GUCY1A2: variants seen among roughly 807,000 people sequenced by gnomAD.
GUCY1A2 encodes guanylate cyclase 1 soluble subunit alpha 2.
Under a neutral mutation model 63.5 loss-of-function variants are expected in GUCY1A2, and 27 were observed. The observed-to-expected ratio is 0.43, with a 90% CI of 0.31 to 0.59. The LOEUF is 0.59. GUCY1A2 is among the 20% of genes least tolerant of loss of function. GUCY1A2 has a pLI of 0.11. For missense variants in GUCY1A2, 768 were observed against 913.3 expected, an observed-to-expected ratio of 0.84 and a Z score of 2.05; for synonymous variants, 364 against 343.5, an observed-to-expected ratio of 1.06 and a Z score of -0.66.
intron 3 of GUCY1A2, among the ~76,000 whole-genome samples, chr11:106,940,995 C>T (rs987239933): frequency 1.3e-5 from 2 of 152,082 alleles, no homozygotes; most frequent in Admixed American, 6.5e-5. Flanking sequence ...TGGGGATAGG[C>T]ATCAAGCTAT....
At chr11:106,942,543 G>A (rs974822888) in intron 3 of GUCY1A2, among the ~76,000 whole-genome samples, 5 of 62,294 alleles carry the variant, frequency 8.0e-5, no homozygotes, top group South Asian at 8.5e-4. Flanking sequence ...ACAATATTCC[G>A]TGTGTCACTG....
At chr11:106,982,588 G>A (rs1477265017) in intron 2 of GUCY1A2, among the ~76,000 whole-genome samples, 1 of 152,166 alleles carries the variant, frequency 6.6e-6, no homozygotes, top group African/African-American at 2.4e-5. Flanking sequence ...TTTGAGGTAG[G>A]TGATGGAGAG....
intron 4 of GUCY1A2, among the ~76,000 whole-genome samples, chr11:106,866,185 G>A (rs1038624846): frequency 9.2e-5 from 14 of 151,598 alleles, no homozygotes; most frequent in Non-Finnish European, 1.9e-4. Context: ...TTGGGCCTTC[G>A]TTTCCTCAAA....
intron 6 of GUCY1A2, among the ~76,000 whole-genome samples, chr11:106,758,707 T>C (rs1272802125): frequency 1.3e-5 from 2 of 152,238 alleles, no homozygotes; most frequent in African/African-American, 2.4e-5. Flanking sequence ...AGGATTTAGT[T>C]CTTATTTCCT....
chr11:106,984,161 A>G (rs2510598), intron 2 of GUCY1A2, among the ~76,000 whole-genome samples: 34,070 of 152,148 alleles, frequency 0.22, 4,257 homozygotes, highest in East Asian at 0.5. Context: ...CTGCATCAGC[A>G]TGAATGCAAA....
At chr11:106,889,065 C>G (rs1201402537) in intron 4 of GUCY1A2, among the ~76,000 whole-genome samples, 6 of 151,998 alleles carry the variant, frequency 3.9e-5, no homozygotes, top group Admixed American at 3.3e-4. Flanking sequence ...TATCTCTTAA[C>G]ATAGTAAGCA....
At chr11:106,842,474 C>T (rs1223542322) in intron 4 of GUCY1A2, among the ~76,000 whole-genome samples, 2 of 152,000 alleles carry the variant, frequency 1.3e-5, no homozygotes, top group Non-Finnish European at 2.9e-5. Flanking sequence ...TAAAACCCTG[C>T]ATTCTATATT....
chr11:106,840,260 G>A (rs1859178205), intron 4 of GUCY1A2, among the ~76,000 whole-genome samples: 1 of 151,930 alleles, frequency 6.6e-6, no homozygotes, highest in Admixed American at 6.6e-5. Flanking sequence ...CAGGGCTACT[G>A]TAGTGGTGAA....
intron 5 of GUCY1A2, among the ~76,000 whole-genome samples, chr11:106,802,418 A>T (rs183776544): frequency 6.6e-6 from 1 of 152,326 alleles, no homozygotes; most frequent in African/African-American, 2.4e-5. Flanking sequence ...TTTCATTTGC[A>T]TCAATGGGAC....
intron 4 of GUCY1A2, among the ~76,000 whole-genome samples, chr11:106,936,252 A>T (rs751162730): frequency 3.9e-5 from 6 of 152,220 alleles, no homozygotes; most frequent in Non-Finnish European, 7.3e-5. Context: ...AAAAAAATTC[A>T]TCTCAAATTT....
chr11:106,772,610 T>A (rs1245068987), intron 6 of GUCY1A2, among the ~76,000 whole-genome samples: 1 of 152,212 alleles, frequency 6.6e-6, no homozygotes. Context: ...AATAAGACTA[T>A]CTGATTCATA....
chr11:106,727,195 A>C (rs1470992021), intron 6 of GUCY1A2, among the ~76,000 whole-genome samples: 1 of 152,226 alleles, frequency 6.6e-6, no homozygotes, highest in Non-Finnish European at 1.5e-5. Context: ...GACAGGAGCC[A>C]TTCCCATAGC....
intron 4 of GUCY1A2, chr11:106,827,591 T>C: frequency 6.8e-7 from 1 of 1,477,532 alleles, no homozygotes; most frequent in East Asian, 2.3e-5. Context: ...GATTGCCATC[T>C]TCTGTTACAA....
chr11:106,790,795 A>C (rs11604933), intron 5 of GUCY1A2, among the ~76,000 whole-genome samples: 28,081 of 151,966 alleles, frequency 0.18, 3,113 homozygotes, highest in Middle Eastern at 0.26. Flanking sequence ...TAGTGCCTGA[A>C]ATGGGGGCCT....
intron 6 of GUCY1A2, among the ~76,000 whole-genome samples, chr11:106,711,528 G>T (rs1368484242): frequency 2.6e-5 from 4 of 152,052 alleles, no homozygotes; most frequent in African/African-American, 4.8e-5. Context: ...GTAATTCAAG[G>T]ACCTGGTCCT....
At chr11:106,789,816 C>T (rs1864626329) in intron 5 of GUCY1A2, among the ~76,000 whole-genome samples, 1 of 152,186 alleles carries the variant, frequency 6.6e-6, no homozygotes, top group African/African-American at 2.4e-5. Context: ...GATTACCAGG[C>T]AGAGACTTTT....
At chr11:106,995,998 A>G (rs974562701) in intron 1 of GUCY1A2, among the ~76,000 whole-genome samples, 8 of 152,328 alleles carry the variant, frequency 5.3e-5, no homozygotes, top group Admixed American at 4.6e-4. Context: ...AGAATAAAGA[A>G]GTAATATTTC....
intron 1 of GUCY1A2, among the ~76,000 whole-genome samples, chr11:106,991,680 AAC>A (rs763858313): frequency 6.6e-5 from 10 of 152,246 alleles, no homozygotes; most frequent in Non-Finnish European, 1.3e-4. Context: ...GCTTAATTCA[AAC>A]AGAGTCCCTT....
chr11:107,005,799 A>G (rs534322778), intron 1 of GUCY1A2, among the ~76,000 whole-genome samples: 3 of 152,188 alleles, frequency 2.0e-5, no homozygotes, highest in South Asian at 4.2e-4. Context: ...TTTTATAAGT[A>G]TATTACCCCT....
Sources: allele counts gnomAD v4.1 joint callset (sites outside exome capture counted in the v4.1 genomes callset), GRCh38; gene constraint gnomAD v4.1.1; transcripts MANE v1.5; gene names NCBI Gene and HGNC (gene_info 2026-07-23, HGNC 2026-07-21).